Variants in FER1L6 observed in about 807,000 individuals in gnomAD.
The protein encoded by FER1L6 is fer-1 like family member 6, also known as fer-1-like protein 6.
In FER1L6, 177 loss-of-function variants were observed where a neutral mutation model predicts 219.2. The observed-to-expected ratio is 0.81, with a 90% CI of 0.71 to 0.91. The LOEUF (loss-of-function observed/expected upper bound fraction) is 0.91. Among genes scored for constraint, FER1L6 ranks in the 40% least tolerant of loss-of-function variants. The pLI is 0.00. For missense variants in FER1L6, 2,153 were observed against 2,259.9 expected, an observed-to-expected ratio of 0.95 and a Z score of 0.96; for synonymous variants, 768 against 824.3, an observed-to-expected ratio of 0.93 and a Z score of 1.17.
chr8:123,924,949 A>T (rs1390865411), intron 1 of FER1L6: 1 of 152,210 alleles, frequency 6.6e-6, no homozygotes, highest in Non-Finnish European at 1.5e-5. Context: ...TCACTTATTT[A>T]TCTAAGATAA....
chr8:124,077,336 AGT>A (rs1472436746), intron 32 of FER1L6, among the ~76,000 whole-genome samples: 3 of 152,190 alleles, frequency 2.0e-5, no homozygotes, highest in African/African-American at 7.2e-5. Flanking sequence ...ATACATCTTT[AGT>A]GTGTTTAATT....
intron 1 of FER1L6, among the ~76,000 whole-genome samples, chr8:123,916,721 T>A (rs1472656248): frequency 1.3e-5 from 2 of 152,194 alleles, no homozygotes; most frequent in East Asian, 1.9e-4. Context: ...TATTAGTTGA[T>A]AAAATAATGA....
chr8:123,866,612 C>T (rs2130266994), intron 1 of FER1L6, among the ~76,000 whole-genome samples: 1 of 152,216 alleles, frequency 6.6e-6, no homozygotes, highest in African/African-American at 2.4e-5. Context: ...TCACCAACAG[C>T]ACAGCAAGGT....
At chr8:124,100,491 T>C (rs1373368732) in intron 37 of FER1L6, among the ~76,000 whole-genome samples, 1 of 152,178 alleles carries the variant, frequency 6.6e-6, no homozygotes, top group Non-Finnish European at 1.5e-5. Context: ...GTCTGCATAG[T>C]AAGTGATACA....
intron 1 of FER1L6, among the ~76,000 whole-genome samples, chr8:123,904,224 T>TTGTGTG (rs56224402): frequency 0.032 from 4,475 of 139,406 alleles, 115 homozygotes; most frequent in Admixed American, 0.066. Context: ...CTCTGTATAT[T>TTGTGTG]TGTGTGTGTG....
intron 3 of FER1L6, among the ~76,000 whole-genome samples, chr8:123,964,232 G>A (rs1483193115): frequency 6.6e-6 from 1 of 152,250 alleles, no homozygotes; most frequent in Non-Finnish European, 1.5e-5. Context: ...TGGATACAGA[G>A]TAAGCCAATG....
At chr8:124,034,451 A>G (rs933416800) in intron 18 of FER1L6, among the ~76,000 whole-genome samples, 3 of 152,226 alleles carry the variant, frequency 2.0e-5, no homozygotes, top group African/African-American at 7.2e-5. Flanking sequence ...ACATATACAT[A>G]AGTACATGCA....
At chr8:124,040,322 G>A (rs1586625958) in intron 20 of FER1L6, 2 of 370,658 alleles carry the variant, frequency 5.4e-6, no homozygotes, top group South Asian at 5.0e-5. Flanking sequence ...AGGAGCAAAT[G>A]AGGAAACAGC....
intron 1 of FER1L6, among the ~76,000 whole-genome samples, chr8:123,913,274 C>T (rs1245330077): frequency 1.3e-5 from 2 of 151,922 alleles, no homozygotes; most frequent in African/African-American, 4.8e-5. Context: ...CATTTTTTTC[C>T]ATAGTCCATT....
At chr8:124,070,897 T>C (rs1161454133) in intron 30 of FER1L6, among the ~76,000 whole-genome samples, 1 of 152,252 alleles carries the variant, frequency 6.6e-6, no homozygotes, top group Non-Finnish European at 1.5e-5. Flanking sequence ...GTGTGATTTA[T>C]GCAAGCCTAC....
In FER1L6 at chr8:124,060,210, C is replaced by T. The variant is rs751921674; in HGVS notation, c.2905C>T (p.Pro969Ser). Reference sequence around the variant, plus strand: ...TCCTTCTGGGCTGCAAGGCCTCCCACCCGTTGAGCCACCAGACATCACCCA... The same window carrying T: ...TCCTTCTGGGCTGCAAGGCCTCCCATCCGTTGAGCCACCAGACATCACCCA... The part of the protein sequence containing the change: ...VPPSGLQGLP[P>S]VEPPDITQIY... The change falls in exon 23 of 41, where the codon CCC (proline) becomes TCC (serine). Residue 969 changes from proline to serine, a missense_variant. By Grantham distance (74) the Pro-to-Ser change is moderately conservative (BLOSUM62 -1). Coordinates refer to ENST00000522917, the MANE Select transcript of FER1L6 (RefSeq NM_001039112.2). 4 of 1,613,568 alleles carry T rather than the reference C, an allele frequency of 2.5e-6. No homozygotes were observed. In the African/African-American group the frequency reaches 5.4e-5, roughly 22 times the overall value.
At chr8:124,091,220 A>G (rs1822013803) in intron 33 of FER1L6, among the ~76,000 whole-genome samples, 1 of 152,248 alleles carries the variant, frequency 6.6e-6, no homozygotes, top group Non-Finnish European at 1.5e-5. Context: ...CAAAAACAAA[A>G]CTACCTTCAA....
chr8:124,013,570 T>C, intron 15 of FER1L6, 39 bp downstream of exon 15: 2 of 1,407,258 alleles, frequency 1.4e-6, no homozygotes, highest in Non-Finnish European at 1.9e-6. Context: ...GAGCTGAGCT[T>C]CTGTGGTCTC....
chr8:124,026,248 C>T (rs543690849), intron 18 of FER1L6, among the ~76,000 whole-genome samples: 9 of 152,250 alleles, frequency 5.9e-5, no homozygotes, highest in African/African-American at 2.2e-4. Flanking sequence ...GCCTTTACCC[C>T]CACCAGCAAC....
At position 123,942,624 on chromosome 8, in the gene FER1L6, C is replaced by T. The variant is rs946446834; in HGVS notation, c.-7-13368C>T. On this transcript the variant is annotated intron_variant, in intron 1 of 40. Coordinates refer to ENST00000522917, the MANE Select transcript of FER1L6 (RefSeq NM_001039112.2). Reference sequence around the variant, plus strand: ...TTCCTTGTCTTGTGACTGCATCACTCTAATCTCTGCCTCCATCTCCACAGT... The same window carrying T: ...TTCCTTGTCTTGTGACTGCATCACTTTAATCTCTGCCTCCATCTCCACAGT... Among the ~76,000 whole-genome samples the T allele has an allele frequency of 3.3e-5, 5 of 152,314 alleles. No homozygotes were observed. The East Asian group carries it at 7.7e-4, about 24-fold the overall frequency.
chr8:124,014,772 A>G (rs1212870077), intron 15 of FER1L6, among the ~76,000 whole-genome samples: 1 of 152,230 alleles, frequency 6.6e-6, no homozygotes. Flanking sequence ...AATAGGGTAC[A>G]TAGTTATCTT....
rs138276477 is a variant in FER1L6, at chr8:123,961,872, T to C, written c.77-1406T>C. ...GTCTATGGTCTGTGTTTTTTGTTTG[T>C]TTGTTTTCTTTTTTTTTTTTTTTTT... On this transcript the variant is annotated intron_variant, in intron 2 of 40. Transcript: ENST00000522917. Among the ~76,000 whole-genome samples the C allele has an allele frequency of 9.0e-3, 1,371 of 151,570 alleles. 19 individuals are homozygous for C. Among genetic ancestry groups the C allele is most frequent in the African/African-American group, 0.031 (1,290 of 41,316 alleles).
In FER1L6 at chr8:124,035,278, C is replaced by T. The variant is rs770874083; in HGVS notation, c.2288C>T (p.Pro763Leu). 9.9e-6 allele frequency: 16 copies of T among 1,612,938 alleles called. No homozygotes were observed. The highest frequency in any genetic ancestry group is 1.4e-5 in the Non-Finnish European group (16 of 1,179,530). Residue 763 changes from proline (P) to leucine (L), a missense_variant and splice_region_variant, in exon 19 of 41, where the codon CCT (proline) becomes CTT (leucine). Coordinates refer to ENST00000522917, the MANE Select transcript of FER1L6 (RefSeq NM_001039112.2). ...CGKIKTHFLK[P>L]PGKRPAGWSV... ...GTCTTTTTTGTAACCTTTCTCCAGCCTCCTGGGAAACGACCGGCTGGTTGG... is the reference window on the plus strand; with the variant it reads ...GTCTTTTTTGTAACCTTTCTCCAGCTTCCTGGGAAACGACCGGCTGGTTGG...
intron 1 of FER1L6, among the ~76,000 whole-genome samples, chr8:123,910,878 T>A (rs926182531): frequency 6.6e-6 from 1 of 152,140 alleles, no homozygotes; most frequent in South Asian, 2.1e-4. Context: ...AGTTAATGCA[T>A]GAAATTGATG....
Sources: gnomAD v4.1 joint callset for allele counts (sites outside exome capture counted in the v4.1 genomes callset) on GRCh38, gnomAD v4.1.1 for gene constraint, MANE v1.5 for transcripts, NCBI Gene and HGNC (gene_info 2026-07-23, HGNC 2026-07-21) for gene names.